Variants in GKAP1 observed in about 807,000 individuals in gnomAD.
GKAP1 encodes the protein G kinase-anchoring protein 1.
A neutral mutation model predicts 56.7 loss-of-function variants in GKAP1; 31 were observed. That is an observed-to-expected ratio of 0.55 (90% confidence interval 0.41 to 0.74). The LOEUF is 0.74. GKAP1 is among the 30% of genes least tolerant of loss of function. GKAP1 has a pLI of 0.00. For missense variants in GKAP1, 364 were observed against 402.3 expected, an observed-to-expected ratio of 0.90 and a Z score of 0.82; for synonymous variants, 151 against 138.6, an observed-to-expected ratio of 1.09 and a Z score of -0.63.
At chr9:83,780,203 C>G (rs1258714669) in intron 7 of GKAP1, among the ~76,000 whole-genome samples, 179 bp downstream of exon 7, 2 of 151,886 alleles carry the variant, frequency 1.3e-5, no homozygotes, top group Non-Finnish European at 2.9e-5. Context: ...TATTTTTATT[C>G]TACAACAATG....
At chr9:83,802,535 C>T (rs573397596) in intron 3 of GKAP1, among the ~76,000 whole-genome samples, 5 of 150,396 alleles carry the variant, frequency 3.3e-5, no homozygotes, top group Non-Finnish European at 5.9e-5. Context: ...ACATTCAATG[C>T]AAGTTACAGA....
At chr9:83,804,294 A>G (rs1944390213) in intron 3 of GKAP1, among the ~76,000 whole-genome samples, 1 of 136,050 alleles carries the variant, frequency 7.4e-6, no homozygotes, top group Non-Finnish European at 1.6e-5. Flanking sequence ...TCTGGGAGGG[A>G]GGTGGGGGGG....
chr9:83,797,743 A>G (rs988360696), intron 4 of GKAP1, among the ~76,000 whole-genome samples: 9 of 152,194 alleles, frequency 5.9e-5, no homozygotes, highest in South Asian at 2.1e-4. Context: ...AGGCAATCAG[A>G]TATCTGTGAT....
intron 7 of GKAP1, among the ~76,000 whole-genome samples, chr9:83,775,565 A>C (rs1416352711): frequency 1.3e-5 from 2 of 152,144 alleles, no homozygotes; most frequent in African/African-American, 2.4e-5. Context: ...AAAAGGAAAA[A>C]AAAATTTTTT....
At chr9:83,780,651 A>G (rs1315265089) in intron 6 of GKAP1, among the ~76,000 whole-genome samples, 4 of 152,148 alleles carry the variant, frequency 2.6e-5, no homozygotes, top group African/African-American at 9.7e-5. Context: ...AATCCCACCC[A>G]TATCAAGGGA....
chr9:83,786,834 A>T (rs1246114293), intron 5 of GKAP1, among the ~76,000 whole-genome samples: 1 of 152,202 alleles, frequency 6.6e-6, no homozygotes, highest in East Asian at 1.9e-4. Flanking sequence ...ACATTTTATC[A>T]ACACTATTTA....
At chr9:83,755,261 TTAAA>T (rs1312976601) in intron 8 of GKAP1, among the ~76,000 whole-genome samples, 1 of 152,052 alleles carries the variant, frequency 6.6e-6, no homozygotes, top group Non-Finnish European at 1.5e-5. Context: ...AGGATATAGG[TTAAA>T]TATATAGTAA....
intron 4 of GKAP1, among the ~76,000 whole-genome samples, chr9:83,791,089 C>T (rs1427102763): frequency 6.6e-6 from 1 of 152,058 alleles, no homozygotes; most frequent in African/African-American, 2.4e-5. Context: ...ATTCTAATCG[C>T]ATGATAAAAA....
intron 10 of GKAP1, among the ~76,000 whole-genome samples, chr9:83,746,959 C>T (rs1329929114): frequency 6.6e-6 from 1 of 152,078 alleles, no homozygotes; most frequent in Admixed American, 6.6e-5. Flanking sequence ...TTTGTTTTTT[C>T]ATTTTTCAAG....
rs75511092 is a variant in GKAP1 at position 83,752,124 on chromosome 9, C to A, written c.840+1134G>T. 8.3e-3 allele frequency among the ~76,000 whole-genome samples: 1,261 copies of A among 152,266 alleles called. 13 individuals are homozygous for A. The highest frequency in any genetic ancestry group is 0.012 in the Non-Finnish European group (817 of 68,006). On this transcript the variant is annotated intron_variant, in intron 9 of 12. Coordinates refer to ENST00000376371, the MANE Select transcript of GKAP1 (RefSeq NM_025211.4). Reference sequence around the variant, plus strand: ...TGAACCTTAAAAACATTATGCTAGGCCAGGCACAGTGGCTCACGCCTGTAA... The same window carrying A: ...TGAACCTTAAAAACATTATGCTAGGACAGGCACAGTGGCTCACGCCTGTAA...
At chr9:83,755,712 C>T (rs1943463167) in intron 8 of GKAP1, among the ~76,000 whole-genome samples, 1 of 144,192 alleles carries the variant, frequency 6.9e-6, no homozygotes, top group Non-Finnish European at 1.5e-5. Context: ...AAATAAATTG[C>T]AACCAATATG....
chr9:83,742,211 G>A (rs1045163943), intron 11 of GKAP1, among the ~76,000 whole-genome samples, 182 bp from the exon 12 acceptor site: 1 of 152,092 alleles, frequency 6.6e-6, no homozygotes, highest in Non-Finnish European at 1.5e-5. Flanking sequence ...AAACTGTCCT[G>A]AGAGAAGAAG....
At chr9:83,811,227 T>G (rs1349869321) in intron 2 of GKAP1, among the ~76,000 whole-genome samples, 14 of 152,246 alleles carry the variant, frequency 9.2e-5, no homozygotes, top group African/African-American at 3.4e-4. Flanking sequence ...AAAAGTGTTT[T>G]GAAACTTTAT....
chr9:83,756,138 G>C (rs1943471190), intron 8 of GKAP1, among the ~76,000 whole-genome samples: 1 of 151,490 alleles, frequency 6.6e-6, no homozygotes, highest in Non-Finnish European at 1.5e-5. Flanking sequence ...TTTTTTCTTA[G>C]TGTGATTAGA....
chr9:83,790,129 AATAAAAAGAGAGG>A (rs1441890041), intron 4 of GKAP1, among the ~76,000 whole-genome samples: 1 of 152,228 alleles, frequency 6.6e-6, no homozygotes, highest in Non-Finnish European at 1.5e-5. Flanking sequence ...ATGCTGATAC[AATAAAAAGAGAGG>A]AAAAAAAGAT....
At chr9:83,811,077 T>A (rs929350542) in intron 2 of GKAP1, among the ~76,000 whole-genome samples, 7 of 152,236 alleles carry the variant, frequency 4.6e-5, no homozygotes, top group Non-Finnish European at 1.0e-4. Flanking sequence ...AACATAGTTA[T>A]TGCAGCACAT....
intron 4 of GKAP1, 133 bp downstream of exon 4, chr9:83,799,052 A>G (rs1343647657): frequency 5.4e-6 from 4 of 736,262 alleles, no homozygotes; most frequent in African/African-American, 1.8e-5. Flanking sequence ...CCTCTTATTA[A>G]AAGCAACAAA....
chr9:83,765,121 G>A (rs1943640195), intron 8 of GKAP1, among the ~76,000 whole-genome samples: 1 of 152,216 alleles, frequency 6.6e-6, no homozygotes, highest in African/African-American at 2.4e-5. Flanking sequence ...GCTGTGTGCA[G>A]CCTAGGGACT....
chr9:83,792,340 C>G (rs2131303443), intron 4 of GKAP1, among the ~76,000 whole-genome samples: 1 of 152,120 alleles, frequency 6.6e-6, no homozygotes, highest in Non-Finnish European at 1.5e-5. Context: ...AAATTTAAGG[C>G]TATAGGGCAG....
Sources: gnomAD v4.1 joint callset for allele counts (sites outside exome capture counted in the v4.1 genomes callset) on GRCh38, gnomAD v4.1.1 for gene constraint, MANE v1.5 for transcripts, NCBI Gene and HGNC (gene_info 2026-07-23, HGNC 2026-07-21) for gene names.